The following PRSS12 variants were observed in gnomAD, a reference collection of about 807,000 sequenced individuals.
PRSS12 encodes neurotrypsin.
Under a neutral mutation model 104.4 loss-of-function variants are expected in PRSS12, and 85 were observed. The ratio of observed to expected loss-of-function variants is 0.81; its 90% CI spans 0.68 to 0.98. The LOEUF (loss-of-function observed/expected upper bound fraction) is 0.98. PRSS12 is among the 50% of genes least tolerant of loss of function. The probability of loss-of-function intolerance (pLI) is 0.00; values close to 1 mark genes in which losing one functional copy is unlikely to be tolerated. For synonymous variants in PRSS12, 454 were observed against 425.2 expected (o/e 1.07, Z -0.83); for missense variants, 1,141 against 1,139.2 (o/e 1.00, Z -0.02).
Position 118,352,473 on chromosome 4 carries a change from C to T in PRSS12, c.248G>A (p.Gly83Glu). Residue 83 changes from glycine to glutamate, a missense_variant, in exon 1 of 13, where the codon GGG becomes GAG. Transcript: ENST00000296498. The part of the protein sequence containing the change: ...PAQRPHALQA[G>E]HTPRPHPWGC... ...CCAGGGGTGCGGCCGGGGCGTGTGC[C>T]CGGCCTGGAGGGCGTGCGGGCGCTG... The T allele has an allele frequency of 7.2e-7, 1 of 1,390,104 alleles. No homozygotes were observed. The highest frequency in any genetic ancestry group is 9.3e-7 in the Non-Finnish European group (1 of 1,079,090). The allele number at this position is 1,390,104 out of a possible 1,614,324, so 86.1% of individuals were successfully genotyped here.
chr4:118,345,507 C>A (rs977801440), intron 1 of PRSS12, among the ~76,000 whole-genome samples: 3 of 152,092 alleles, frequency 2.0e-5, no homozygotes, highest in Admixed American at 6.6e-5. Context: ...CTTCAAAGGA[C>A]TGCTTTCTTT....
intron 7 of PRSS12, among the ~76,000 whole-genome samples, chr4:118,312,159 AC>A (rs1743752065): frequency 6.6e-6 from 1 of 152,236 alleles, no homozygotes; most frequent in African/African-American, 2.4e-5. Flanking sequence ...AGTGTACAGT[AC>A]AATGAGGAAT....
Position 118,352,785 on chromosome 4 carries a change from AGGGGGC to A in PRSS12, c.-71_-66del. 4.5e-6 allele frequency: 5 copies of A among 1,105,010 alleles called. No homozygotes were observed. Among genetic ancestry groups the A allele is most frequent in the Non-Finnish European group, 6.3e-6 (5 of 791,188 alleles). 68.5% of individuals were successfully genotyped at this position (1,105,010 alleles called of 1,614,324 possible). A position where few individuals can be genotyped will look rare whatever the true frequency, so the allele number is the denominator to read the frequency against. ...TCTCGGGCTTGGAGCGGAGAAGAGG[AGGGGGC>A]GGGGGCGGGGCTGCCGCGTCCCTCG... On this transcript the variant is annotated 5_prime_UTR_variant, in exon 1 of 13. Transcript: ENST00000296498.
chr4:118,292,064 T>A (rs551661290), intron 11 of PRSS12, among the ~76,000 whole-genome samples: 1 of 152,234 alleles, frequency 6.6e-6, no homozygotes, highest in South Asian at 2.1e-4. Context: ...TATCCTAGTT[T>A]TTTTTTTAGA....
At chr4:118,332,517 T>A (rs965522958) in intron 3 of PRSS12, among the ~76,000 whole-genome samples, 1 of 152,166 alleles carries the variant, frequency 6.6e-6, no homozygotes, top group Admixed American at 6.5e-5. Flanking sequence ...AACTTCTCTG[T>A]CTCTTCTCTG....
chr4:118,287,130 T>TAC (rs138799095), intron 11 of PRSS12, among the ~76,000 whole-genome samples: 12 of 151,888 alleles, frequency 7.9e-5, no homozygotes, highest in South Asian at 4.2e-4. Context: ...ATATATGGAA[T>TAC]ACACACACAC....
intron 4 of PRSS12, among the ~76,000 whole-genome samples, chr4:118,327,106 A>C (rs922490266): frequency 3.3e-5 from 5 of 152,204 alleles, no homozygotes; most frequent in African/African-American, 1.2e-4. Context: ...AGCTTGGTTT[A>C]TACAATGTTT....
chr4:118,316,837 A>AATATATATATATATATAT (rs70941165), intron 5 of PRSS12, among the ~76,000 whole-genome samples: 15 of 99,184 alleles, frequency 1.5e-4, no homozygotes, highest in Non-Finnish European at 2.6e-4. Context: ...AAAAAAAAAA[A>AATATATATATATATATAT]ATATATATAT....
chr4:118,337,363 G>A (rs911969608), intron 2 of PRSS12, among the ~76,000 whole-genome samples: 1 of 152,034 alleles, frequency 6.6e-6, no homozygotes, highest in Non-Finnish European at 1.5e-5. Flanking sequence ...AAATATAAAG[G>A]AGACACAAAA....
At chr4:118,349,812 G>A (rs1724447835) in intron 1 of PRSS12, among the ~76,000 whole-genome samples, 1 of 152,070 alleles carries the variant, frequency 6.6e-6, no homozygotes. Flanking sequence ...AGACCAGCCT[G>A]GCCAACATGG....
At chr4:118,316,757 G>A (rs1305868815) in intron 5 of PRSS12, among the ~76,000 whole-genome samples, 5 of 149,782 alleles carry the variant, frequency 3.3e-5, no homozygotes, top group African/African-American at 1.2e-4. Context: ...AGGAGGCAGA[G>A]GTTACAGTGA....
chr4:118,318,831 C>T (rs1723524642), intron 4 of PRSS12, among the ~76,000 whole-genome samples: 1 of 152,152 alleles, frequency 6.6e-6, no homozygotes, highest in Admixed American at 6.6e-5. Flanking sequence ...AGGACAATGG[C>T]TATCCAAAAT....
At position 118,318,566 on chromosome 4, in the gene PRSS12, T is replaced by C. The variant is rs369809196; in HGVS notation, c.972-10A>G. The C allele has an allele frequency of 1.2e-6, 2 of 1,612,536 alleles. No homozygotes were observed. Among genetic ancestry groups the C allele is most frequent in the Non-Finnish European group, 8.5e-7 (1 of 1,179,216 alleles). The stretch of plus-strand genomic sequence containing the variant: ...TGCTTTGGCAATGCCACTGAACAAA[T>C]AAAAGAATGTAAGGATTCTGGATTA... On this transcript the variant is annotated splice_polypyrimidine_tract_variant and intron_variant, in intron 4 of 12. Coordinates refer to ENST00000296498, the MANE Select transcript of PRSS12 (RefSeq NM_003619.4).
At chr4:118,306,235 G>C (rs1196519723) in intron 8 of PRSS12, among the ~76,000 whole-genome samples, 1 of 152,148 alleles carries the variant, frequency 6.6e-6, no homozygotes, top group Non-Finnish European at 1.5e-5. Flanking sequence ...ACCAACACTT[G>C]TTATCCTTTG....
At chr4:118,312,428 T>C (rs1474276047) in intron 7 of PRSS12, among the ~76,000 whole-genome samples, 1 of 152,000 alleles carries the variant, frequency 6.6e-6, no homozygotes, top group African/African-American at 2.4e-5. Context: ...TGTGATAGCA[T>C]ACAACAAAGT....
At chr4:118,282,381 G>T in intron 12 of PRSS12, 138 bp from the exon 13 acceptor site, 1 of 1,112,932 alleles carries the variant, frequency 9.0e-7, no homozygotes, top group Non-Finnish European at 1.3e-6. Context: ...ATGACTAACT[G>T]GTATGTACTA....
At position 118,316,287 on chromosome 4, in the gene PRSS12, T is replaced by C. The variant is rs200485160; in HGVS notation, c.1187A>G (p.His396Arg). The change falls in exon 6 of 13, where the codon CAT becomes CGT. Residue 396 changes from histidine (H) to arginine (R), a missense_variant. Physicochemically the swap from His to Arg is conservative, Grantham distance 29 (BLOSUM62 0). Coordinates refer to ENST00000296498, the MANE Select transcript of PRSS12 (RefSeq NM_003619.4). Reference protein sequence around the residue: ...VIRLAGGKGSHEGRLEVYYRG... With the variant: ...VIRLAGGKGSREGRLEVYYRG... ...GTAATATACCTCCAAGCGACCCTCA[T>C]GGCTGCCTTTCCCACCTGCAAGTCT... 5 of 1,613,956 alleles carry C rather than the reference T, an allele frequency of 3.1e-6. No homozygotes were observed. The highest frequency in any genetic ancestry group is 4.2e-6 in the Non-Finnish European group (5 of 1,180,002).
chr4:118,327,273 C>G (rs1723799091), intron 4 of PRSS12, among the ~76,000 whole-genome samples: 1 of 152,046 alleles, frequency 6.6e-6, no homozygotes, highest in African/African-American at 2.4e-5. Flanking sequence ...CCACCTCAGC[C>G]TCTGAGTAGC....
chr4:118,335,609 GCCCAGTC>G lies in PRSS12; in HGVS notation c.677_683del (p.Gly226AlafsTer89). ...CATTGCTCCAATAAATGGGAATAAGGCCCAGTCCAGAAAACGGGGTTTGTTTTGCTAT... is the reference window on the plus strand; with the variant it reads ...CATTGCTCCAATAAATGGGAATAAGGCAGAAAACGGGGTTTGTTTTGCTAT... On this transcript the variant is annotated frameshift_variant, in exon 3 of 13. Transcript: ENST00000296498. LOFTEE classifies it high-confidence loss of function. 2 of 1,613,950 alleles carry G rather than the reference GCCCAGTC, an allele frequency of 1.2e-6. No individual in the cohort carries two copies. The highest frequency in any genetic ancestry group is 1.7e-6 in the Non-Finnish European group (2 of 1,179,944).
Sources: gnomAD v4.1 joint callset for allele counts (sites outside exome capture counted in the v4.1 genomes callset) on GRCh38, gnomAD v4.1.1 for gene constraint, MANE v1.5 for transcripts, NCBI Gene and HGNC (gene_info 2026-07-23, HGNC 2026-07-21) for gene names.